Variants in NKAIN2 observed in about 807,000 individuals in gnomAD.
NKAIN2 encodes the protein sodium/potassium-transporting ATPase subunit beta-1-interacting protein 2.
A neutral mutation model predicts 32.6 loss-of-function variants in NKAIN2; 14 were observed. That is an observed-to-expected ratio of 0.43 (90% confidence interval 0.28 to 0.67). NKAIN2 has a LOEUF of 0.67. Ranked by LOEUF, NKAIN2 falls within the 30% of genes least tolerant of loss-of-function variation. NKAIN2 has a pLI of 0.17. For synonymous variants in NKAIN2, 80 were observed against 87.2 expected, an observed-to-expected ratio of 0.92 and a Z score of 0.46; for missense variants, 198 against 258.3, an observed-to-expected ratio of 0.77 and a Z score of 1.60.
chr6:124,138,188 C>T (rs1786925552), intron 1 of NKAIN2, among the ~76,000 whole-genome samples: 1 of 152,036 alleles, frequency 6.6e-6, no homozygotes, highest in Admixed American at 6.6e-5. Context: ...TGTGAATAGA[C>T]AGTTCTCAAA....
In NKAIN2 at chr6:124,205,137, C is replaced by T. The variant is rs531900794; in HGVS notation, c.55-77868C>T. 5.9e-5 allele frequency among the ~76,000 whole-genome samples: 9 copies of T among 151,790 alleles called. No individual in the cohort carries two copies. The South Asian group carries it at 1.9e-3, about 32-fold the overall frequency. ...ATTTTGTTAGTTCATTTGAATATTT[C>T]CCAAATGGTTTATTGAAAATAGTCC... is the stretch of plus-strand genomic sequence containing the variant. On this transcript the variant is annotated intron_variant, in intron 1 of 6. Coordinates refer to ENST00000368417, the MANE Select transcript of NKAIN2 (RefSeq NM_001040214.3).
intron 1 of NKAIN2, among the ~76,000 whole-genome samples, chr6:124,110,523 G>C (rs1024757033): frequency 1.3e-5 from 2 of 151,966 alleles, no homozygotes; most frequent in Admixed American, 6.6e-5. Flanking sequence ...ATAACCAGTA[G>C]GTAGTTTTTC....
At chr6:124,280,308 A>G (rs1795232522) in intron 1 of NKAIN2, among the ~76,000 whole-genome samples, 1 of 152,208 alleles carries the variant, frequency 6.6e-6, no homozygotes, top group Admixed American at 6.5e-5. Flanking sequence ...GACAAGTATG[A>G]TCAGAGAGAT....
chr6:124,530,895 C>A (rs1779501544), intron 3 of NKAIN2, among the ~76,000 whole-genome samples: 1 of 152,160 alleles, frequency 6.6e-6, no homozygotes, highest in Non-Finnish European at 1.5e-5. Flanking sequence ...TGAATTAGCC[C>A]TTCTTCCATC....
At chr6:123,840,593 G>C (rs539495118) in intron 1 of NKAIN2, among the ~76,000 whole-genome samples, 76 of 151,966 alleles carry the variant, frequency 5.0e-4, no homozygotes, top group Non-Finnish European at 1.0e-3. Context: ...AATTCTGAAA[G>C]GACAAAATAG....
chr6:124,252,852 T>C (rs1382061687), intron 1 of NKAIN2, among the ~76,000 whole-genome samples: 1 of 152,148 alleles, frequency 6.6e-6, no homozygotes, highest in Non-Finnish European at 1.5e-5. Context: ...TAATGTCTAA[T>C]TCATGAGGTT....
intron 1 of NKAIN2, among the ~76,000 whole-genome samples, chr6:124,215,655 T>C (rs1041833579): frequency 1.3e-5 from 2 of 152,212 alleles, no homozygotes; most frequent in African/African-American, 2.4e-5. Context: ...ATTTTATACC[T>C]AACTGTCATA....
In NKAIN2 at chr6:123,804,258, A is replaced by G; in HGVS notation, c.54+4A>G. The stretch of plus-strand genomic sequence containing the variant: ...CTTTATCTGTGGCATGCAACTGGTA[A>G]GTGACACTTGGGTCCCCTTATTCTG... On this transcript the variant is annotated splice_donor_region_variant and intron_variant, in intron 1 of 6. Coordinates refer to ENST00000368417, the MANE Select transcript of NKAIN2 (RefSeq NM_001040214.3). 6.2e-7 allele frequency: 1 copy of G among 1,612,194 alleles called. No homozygotes were observed. Among genetic ancestry groups the G allele is most frequent in the Admixed American group, 1.7e-5 (1 of 60,026 alleles).
At chr6:124,501,311 G>A (rs182455293) in intron 3 of NKAIN2, among the ~76,000 whole-genome samples, 1 of 152,270 alleles carries the variant, frequency 6.6e-6, no homozygotes, top group African/African-American at 2.4e-5. Context: ...ATGAGGACAG[G>A]AATGTTATCT....
chr6:124,778,095 C>T (rs546927124), intron 4 of NKAIN2, among the ~76,000 whole-genome samples: 1 of 152,108 alleles, frequency 6.6e-6, no homozygotes, highest in Admixed American at 6.5e-5. Context: ...TCTGGGAGAA[C>T]AAGTGATAAT....
intron 1 of NKAIN2, among the ~76,000 whole-genome samples, chr6:124,011,630 C>T (rs964857171): frequency 1.8e-4 from 27 of 152,274 alleles, no homozygotes; most frequent in African/African-American, 5.1e-4. Flanking sequence ...TGCCTTCACA[C>T]GTAAAATGTC....
At chr6:123,945,778 G>C (rs1394237172) in intron 1 of NKAIN2, among the ~76,000 whole-genome samples, 2 of 152,082 alleles carry the variant, frequency 1.3e-5, no homozygotes, top group African/African-American at 4.8e-5. Context: ...TTCGTCAATT[G>C]TGTCAAATTG....
intron 1 of NKAIN2, among the ~76,000 whole-genome samples, chr6:124,244,567 G>A (rs1287770696): frequency 6.6e-6 from 1 of 151,828 alleles, no homozygotes; most frequent in Non-Finnish European, 1.5e-5. Context: ...AAGTTCAGCC[G>A]AGATGATATA....
intron 1 of NKAIN2, among the ~76,000 whole-genome samples, chr6:123,919,099 T>C (rs530861992): frequency 3.5e-4 from 53 of 152,230 alleles, no homozygotes; most frequent in African/African-American, 1.1e-3. Context: ...AAAAGAATTA[T>C]GTGCAAATGA....
intron 1 of NKAIN2, among the ~76,000 whole-genome samples, chr6:123,960,356 G>A (rs1160994806): frequency 2.0e-5 from 3 of 152,032 alleles, no homozygotes; most frequent in Non-Finnish European, 4.4e-5. Context: ...CTTTGTGGAG[G>A]GACCTCTTCT....
At chr6:124,246,942 G>A (rs112548728) in intron 1 of NKAIN2, among the ~76,000 whole-genome samples, 5 of 151,936 alleles carry the variant, frequency 3.3e-5, no homozygotes, top group East Asian at 1.9e-4. Context: ...TTTACAGGAC[G>A]GTATGCCTTT....
intron 4 of NKAIN2, among the ~76,000 whole-genome samples, chr6:124,704,680 C>G (rs534530731): frequency 6.6e-6 from 1 of 151,690 alleles, no homozygotes; most frequent in Admixed American, 6.6e-5. Flanking sequence ...ATGATACACC[C>G]TCCTGGTTGG....
intron 1 of NKAIN2, among the ~76,000 whole-genome samples, chr6:124,235,484 A>G (rs74911954): frequency 0.011 from 1,660 of 152,258 alleles, 30 homozygotes; most frequent in South Asian, 0.04. Flanking sequence ...TAAGGAACAT[A>G]ACTTATGACA....
At chr6:124,171,904 T>C (rs1478606842) in intron 1 of NKAIN2, among the ~76,000 whole-genome samples, 1 of 139,936 alleles carries the variant, frequency 7.1e-6, no homozygotes, top group Non-Finnish European at 1.5e-5. Context: ...TGGAGTACAA[T>C]GGCATGATCT....
Sources: allele counts gnomAD v4.1 joint callset (sites outside exome capture counted in the v4.1 genomes callset), GRCh38; gene constraint gnomAD v4.1.1; transcripts MANE v1.5; gene names NCBI Gene and HGNC (gene_info 2026-07-23, HGNC 2026-07-21).